CCNY: variants seen among roughly 807,000 people sequenced by gnomAD.
The protein encoded by CCNY is cyclin-Y.
In CCNY, 19 loss-of-function variants were observed where a neutral mutation model predicts 42.8. That is an observed-to-expected ratio of 0.44 (90% CI 0.31 to 0.65). CCNY has a LOEUF of 0.65. Ranked by LOEUF, CCNY falls within the 30% of genes least tolerant of loss-of-function variation. The pLI, the probability that CCNY is intolerant of heterozygous loss-of-function variation, is 0.07. For synonymous variants in CCNY, 165 were observed against 162.7 expected (o/e 1.01, Z -0.11); for missense variants, 370 against 437.3 (o/e 0.85, Z 1.37).
chr10:35,389,220 T>G (rs569932836), intron 1 of CCNY, among the ~76,000 whole-genome samples: 13 of 152,296 alleles, frequency 8.5e-5, no homozygotes, highest in Non-Finnish European at 1.9e-4. Flanking sequence ...TTTATATATA[T>G]TTTATTGCTG....
Position 35,396,579 on chromosome 10 carries a change from C to T in CCNY, c.154+59372C>T, listed in dbSNP as rs114985310. On this transcript the variant is annotated intron_variant, in intron 1 of 9. Transcript: ENST00000374704. ...GAACCATTTCTCTGTTGCGTGTTCT[C>T]GGCATCTGGCAAGGCCATGGTGGGG... is the stretch of plus-strand genomic sequence containing the variant. Among the ~76,000 whole-genome samples, 346 of 152,372 alleles carry T rather than the reference C, an allele frequency of 2.3e-3. 1 individual carries two copies. Among genetic ancestry groups the T allele is most frequent in the African/African-American group, 7.8e-3 (324 of 41,594 alleles).
chr10:35,407,170 AAT>A (rs1169917000), intron 1 of CCNY, among the ~76,000 whole-genome samples: 1 of 152,136 alleles, frequency 6.6e-6, no homozygotes, highest in African/African-American at 2.4e-5. Flanking sequence ...TTTAAGAGGA[AAT>A]TGTTGGGCAG....
At chr10:35,332,568 T>G (rs1835957963), upstream of CCNY, 1 of 152,236 alleles carries the variant, frequency 6.6e-6, no homozygotes, top group South Asian at 2.1e-4. Context: ...AAGCTACTAT[T>G]GCTAAAAAAG....
intron 1 of CCNY, among the ~76,000 whole-genome samples, chr10:35,247,893 A>G (rs2095709319): frequency 6.7e-6 from 1 of 149,614 alleles, no homozygotes; most frequent in Non-Finnish European, 1.5e-5. Context: ...AAAAAAAAAG[A>G]AAAGAAAAGA....
rs190501406 is a variant in CCNY at position 35,307,679 on chromosome 10, T to C, written c.-9+57053T>C. ...ATAAGGTTATATGTATATATATATA[T>C]ACGTGTATATCTACACGTGTATATA... On this transcript the variant is annotated intron_variant, in intron 3 of 11. Coordinates refer to the CCNY transcript ENST00000374706. 6.7e-4 allele frequency among the ~76,000 whole-genome samples: 102 copies of C among 151,322 alleles called. 1 individual carries two copies. Among genetic ancestry groups the C allele is most frequent in the African/African-American group, 1.6e-3 (66 of 41,210 alleles).
intron 1 of CCNY, among the ~76,000 whole-genome samples, chr10:35,358,508 T>G (rs1304935976): frequency 6.6e-6 from 1 of 152,208 alleles, no homozygotes; most frequent in Non-Finnish European, 1.5e-5. Context: ...TTTTCACAAC[T>G]AACAGTCTTC....
At chr10:35,465,537 GA>G (rs1839241102) in intron 1 of CCNY, among the ~76,000 whole-genome samples, 1 of 152,132 alleles carries the variant, frequency 6.6e-6, no homozygotes, top group Admixed American at 6.5e-5. Context: ...CTGTCCTCAG[GA>G]AAAGTACAAC....
chr10:35,251,022 C>T (rs940588578), intron 3 of CCNY: 4 of 152,136 alleles, frequency 2.6e-5, no homozygotes, highest in Admixed American at 6.6e-5. Context: ...CTAATCTTCT[C>T]GTATCATTCC....
chr10:35,505,641 A>C (rs1044350986), intron 3 of CCNY, among the ~76,000 whole-genome samples: 1 of 152,232 alleles, frequency 6.6e-6, no homozygotes, highest in African/African-American at 2.4e-5. Context: ...AGGGTGGGTC[A>C]TAATTCCAGA....
At chr10:35,445,826 T>G (rs1838778791) in intron 1 of CCNY, among the ~76,000 whole-genome samples, 1 of 152,220 alleles carries the variant, frequency 6.6e-6, no homozygotes, top group African/African-American at 2.4e-5. Flanking sequence ...AAAGTTGGAG[T>G]AGACCTGTAA....
intron 3 of CCNY, among the ~76,000 whole-genome samples, chr10:35,303,749 C>T (rs1363477609): frequency 3.7e-5 from 5 of 134,112 alleles, no homozygotes; most frequent in African/African-American, 1.5e-4. Context: ...TGCACTCCAG[C>T]CTGGGCGACA....
At chr10:35,476,492 T>C (rs1839513295) in intron 1 of CCNY, among the ~76,000 whole-genome samples, 1 of 152,146 alleles carries the variant, frequency 6.6e-6, no homozygotes, top group African/African-American at 2.4e-5. Context: ...CACTCAGAAC[T>C]GTTCAACTAC....
intron 3 of CCNY, among the ~76,000 whole-genome samples, chr10:35,273,158 T>G (rs903006488): frequency 6.6e-6 from 1 of 152,126 alleles, no homozygotes; most frequent in African/African-American, 2.4e-5. Context: ...CTCCTTAATC[T>G]TGTCTGCTCA....
intron 1 of CCNY, among the ~76,000 whole-genome samples, chr10:35,404,791 A>T (rs1303596284): frequency 6.6e-6 from 1 of 152,164 alleles, no homozygotes; most frequent in Non-Finnish European, 1.5e-5. Context: ...TGTTTTAATG[A>T]AGAAATATGT....
At chr10:35,504,700 G>A (rs1043203458) in intron 3 of CCNY, among the ~76,000 whole-genome samples, 1 of 152,116 alleles carries the variant, frequency 6.6e-6, no homozygotes, top group East Asian at 1.9e-4. Context: ...GCATTGGTAC[G>A]ATCTTGGCTC....
At position 35,569,068 on chromosome 10, in the gene CCNY, C is replaced by T. The variant is rs1353621068; in HGVS notation, c.924C>T (p.Leu308=). ...RAHKLEAISR[L]CEDKYKDLRR... is the part of the protein sequence containing the mutation. ...TTGCCCCTCAGGCCATCTCTCGCCT[C>T]TGCGAGGACAAGTACAAGGACCTAA... Residue 308 remains leucine (L), a synonymous_variant, in exon 10 of 10, where the codon CTC becomes CTT. Transcript: ENST00000374704. 1.2e-6 allele frequency: 2 copies of T among 1,612,324 alleles called. No individual in the cohort carries two copies. The highest frequency in any genetic ancestry group is 1.1e-5 in the South Asian group (1 of 91,050).
chr10:35,552,105 CA>C (rs112701245), intron 7 of CCNY, among the ~76,000 whole-genome samples: 4,796 of 152,276 alleles, frequency 0.031, 236 homozygotes, highest in African/African-American at 0.11. Flanking sequence ...AATAGCCACA[CA>C]GGGGGAACAG....
chr10:35,552,033 G>T (rs191221055), intron 7 of CCNY, among the ~76,000 whole-genome samples: 1 of 152,258 alleles, frequency 6.6e-6, no homozygotes, highest in East Asian at 1.9e-4. Context: ...GTACCCAAAA[G>T]AATTAAAAGC....
chr10:35,563,322 C>CT (rs1841502519), intron 8 of CCNY, among the ~76,000 whole-genome samples: 1 of 152,198 alleles, frequency 6.6e-6, no homozygotes, highest in African/African-American at 2.4e-5. Context: ...AAAATACCGC[C>CT]TTGTTCAAAA....
Sources: gnomAD v4.1 joint callset for allele counts (sites outside exome capture counted in the v4.1 genomes callset) on GRCh38, gnomAD v4.1.1 for gene constraint, MANE v1.5 for transcripts, NCBI Gene and HGNC (gene_info 2026-07-23, HGNC 2026-07-21) for gene names.